The following SAMSN1 variants were observed in gnomAD, a reference collection of about 807,000 sequenced individuals.
SAMSN1 encodes SAM domain-containing protein SAMSN-1.
SAMSN1 carries 31 observed loss-of-function variants against 42.0 expected under a neutral mutation model. That is an observed-to-expected ratio of 0.74 (90% CI 0.55 to 1.00). SAMSN1 has a LOEUF of 1.00. Among genes scored for constraint, SAMSN1 ranks in the 50% least tolerant of loss-of-function variants. The probability of loss-of-function intolerance (pLI) is 0.00; values close to 1 mark genes in which losing one functional copy is unlikely to be tolerated. For missense variants in SAMSN1, 464 were observed against 439.4 expected (o/e 1.06, Z -0.50); for synonymous variants, 178 against 151.9 (o/e 1.17, Z -1.26).
upstream of SAMSN1, among the ~76,000 whole-genome samples, chr21:14,587,027 G>C (rs1449155578): frequency 6.6e-6 from 1 of 152,180 alleles, no homozygotes; most frequent in Non-Finnish European, 1.5e-5. Context: ...AGCTTCTGTA[G>C]AGCAGGTTGA....
At chr21:14,546,345 C>T (rs1240646175), upstream of SAMSN1, 3 of 1,580,118 alleles carry the variant, frequency 1.9e-6, no homozygotes, top group East Asian at 4.5e-5. Context: ...CTGTCTAATG[C>T]ACAGCATCAG....
chr21:14,550,790 G>A (rs747273048), upstream of SAMSN1, among the ~76,000 whole-genome samples: 7 of 139,980 alleles, frequency 5.0e-5, no homozygotes, highest in Non-Finnish European at 1.1e-4. Context: ...TCAAGTTGCT[G>A]AGTTAAAGGA....
At chr21:14,594,947 G>A (rs139923531) in intron 6 of SAMSN1, among the ~76,000 whole-genome samples, 16 of 152,264 alleles carry the variant, frequency 1.1e-4, no homozygotes, top group African/African-American at 3.8e-4. Flanking sequence ...TGCTGTAGGG[G>A]AGGCCTCAGG....
chr21:14,559,968 A>G (rs1432630676), intron 2 of SAMSN1, among the ~76,000 whole-genome samples: 1 of 152,174 alleles, frequency 6.6e-6, no homozygotes, highest in Non-Finnish European at 1.5e-5. Context: ...TTTACCAAAT[A>G]TCTATTATGG....
chr21:14,631,124 T>C (rs779808340), intron 2 of SAMSN1, among the ~76,000 whole-genome samples: 2 of 152,186 alleles, frequency 1.3e-5, no homozygotes, highest in Non-Finnish European at 2.9e-5. Context: ...CACCTCTCTT[T>C]CATCATTTTT....
chr21:14,594,093 A>G, intron 6 of SAMSN1: 1 of 695,082 alleles, frequency 1.4e-6, no homozygotes, highest in Non-Finnish European at 2.7e-6. Flanking sequence ...GAAATTAGAA[A>G]AGGAAATAGA....
chr21:14,577,155 A>C (rs1981498085), intron 2 of SAMSN1, among the ~76,000 whole-genome samples: 1 of 124,438 alleles, frequency 8.0e-6, no homozygotes, highest in African/African-American at 3.1e-5. Context: ...TCCCGGGTTC[A>C]AGTGATTCTC....
chr21:14,497,525 G>A (rs1427163990), intron 7 of SAMSN1, among the ~76,000 whole-genome samples: 1 of 152,194 alleles, frequency 6.6e-6, no homozygotes, highest in Non-Finnish European at 1.5e-5. Flanking sequence ...CTGGGAGGCG[G>A]AGGTCGCGGT....
chr21:14,613,150 G>GA (rs1177097887), intron 3 of SAMSN1, among the ~76,000 whole-genome samples: 1 of 151,962 alleles, frequency 6.6e-6, no homozygotes, highest in South Asian at 2.1e-4. Context: ...CATAAGACCT[G>GA]AAAAAAATAG....
chr21:14,597,371 A>T (rs1296479255), intron 6 of SAMSN1, among the ~76,000 whole-genome samples: 2 of 152,188 alleles, frequency 1.3e-5, no homozygotes, highest in African/African-American at 2.4e-5. Flanking sequence ...TTAATTCTGT[A>T]CATAGCCAAT....
At chr21:14,646,212 G>T (rs970160357) in intron 1 of SAMSN1, among the ~76,000 whole-genome samples, 1 of 151,962 alleles carries the variant, frequency 6.6e-6, no homozygotes. Flanking sequence ...CTACCTCAAG[G>T]TATTTAATAA....
chr21:14,605,953 T>C (rs1390917940), intron 5 of SAMSN1, among the ~76,000 whole-genome samples: 5 of 151,920 alleles, frequency 3.3e-5, no homozygotes, highest in Non-Finnish European at 7.4e-5. Context: ...GCCATTCTCC[T>C]TCCTCAGCCT....
intron 1 of SAMSN1, among the ~76,000 whole-genome samples, chr21:14,645,767 C>G (rs777166815): frequency 6.6e-6 from 1 of 152,054 alleles, no homozygotes; most frequent in Non-Finnish European, 1.5e-5. Context: ...CAAAATAACA[C>G]GGATAAGGAA....
chr21:14,651,546 A>G (rs1026541533), intron 1 of SAMSN1, among the ~76,000 whole-genome samples: 10 of 152,070 alleles, frequency 6.6e-5, no homozygotes, highest in Non-Finnish European at 1.3e-4. Context: ...TCAACATAAT[A>G]AAAGCCTTAT....
chr21:14,595,432 C>T (rs1345607772), intron 6 of SAMSN1, among the ~76,000 whole-genome samples: 1 of 152,068 alleles, frequency 6.6e-6, no homozygotes, highest in Non-Finnish European at 1.5e-5. Flanking sequence ...TCTGTTTTTA[C>T]AAATTACCCA....
intron 4 of SAMSN1, among the ~76,000 whole-genome samples, chr21:14,510,669 A>G (rs1024534384): frequency 6.0e-5 from 8 of 132,978 alleles, no homozygotes; most frequent in Non-Finnish European, 1.0e-4. Flanking sequence ...TTTCCTGCCA[A>G]TCTGGCCACT....
intron 7 of SAMSN1, among the ~76,000 whole-genome samples, chr21:14,491,362 C>A (rs1986677415): frequency 6.6e-6 from 1 of 152,002 alleles, no homozygotes; most frequent in Non-Finnish European, 1.5e-5. Flanking sequence ...CCTGCCTCAG[C>A]CTCCCAGAGT....
intron 2 of SAMSN1, among the ~76,000 whole-genome samples, chr21:14,642,202 AG>A (rs775132869): frequency 8.5e-5 from 13 of 152,210 alleles, no homozygotes; most frequent in Non-Finnish European, 1.8e-4. Flanking sequence ...ATGTTGTTCA[AG>A]GGTTGACTGT....
chr21:14,592,908 C>T (rs1982132634), intron 7 of SAMSN1, among the ~76,000 whole-genome samples: 1 of 152,126 alleles, frequency 6.6e-6, no homozygotes, highest in Admixed American at 6.6e-5. Context: ...TTAGTATTTA[C>T]TGAGGTTCAT....
Sources: gnomAD v4.1 joint callset for allele counts (sites outside exome capture counted in the v4.1 genomes callset) on GRCh38, gnomAD v4.1.1 for gene constraint, MANE v1.5 for transcripts, NCBI Gene and HGNC (gene_info 2026-07-23, HGNC 2026-07-21) for gene names.